ZNF568: variants seen among roughly 807,000 people sequenced by gnomAD.
The protein encoded by ZNF568 is zinc finger protein 568, also known as p53 inhibitor of SCO2 activation.
A neutral mutation model predicts 18.1 loss-of-function variants in ZNF568; 11 were observed. The ratio of observed to expected loss-of-function variants is 0.61; its 90% confidence interval spans 0.38 to 1.00. The LOEUF (loss-of-function observed/expected upper bound fraction) is 1.00. Ranked by LOEUF, ZNF568 falls within the 50% of genes least tolerant of loss-of-function variation. The pLI is 0.01. For missense variants in ZNF568, 639 were observed against 768.2 expected, an observed-to-expected ratio of 0.83 and a Z score of 1.99; for synonymous variants, 213 against 246.6, an observed-to-expected ratio of 0.86 and a Z score of 1.28.
chr19:36,945,210 A>AGTGTGTGTGT lies in ZNF568; in HGVS notation c.359-4269_359-4260dup, dbSNP rs10616521. Reference sequence around the variant, plus strand: ...GGATGGGAAGAGAGACAGAGAGAGAAGTGTGTGTGTGTGTGTGTGTGTGTG... The same window carrying AGTGTGTGTGT: ...GGATGGGAAGAGAGACAGAGAGAGAAGTGTGTGTGTGTGTGTGTGTGTGTGTGTGTGTGTG... On this transcript the variant is annotated intron_variant, in intron 6 of 6. Coordinates refer to ENST00000333987, the MANE Select transcript of ZNF568 (RefSeq NM_198539.4). Among the ~76,000 whole-genome samples the AGTGTGTGTGT allele has an allele frequency of 7.1e-3, 1,001 of 141,942 alleles. 10 individuals are homozygous for AGTGTGTGTGT. The highest frequency in any genetic ancestry group is 0.023 in the African/African-American group (880 of 37,930). The allele number at this position is 141,942 out of a possible 152,430, so 93.1% of individuals were successfully genotyped here. A position where few individuals can be genotyped will look rare whatever the true frequency, so the allele number is the denominator to read the frequency against.
At chr19:36,996,439 C>G (rs1208406544) in exon 5 of ZNF568, 2 of 1,536,260 alleles carry the variant, frequency 1.3e-6, no homozygotes, top group African/African-American at 2.7e-5. Context: ...GGAGAGACAA[C>G]AGGGTCATCA....
intron 6 of ZNF568, among the ~76,000 whole-genome samples, chr19:36,960,555 G>A (rs1373464115): frequency 2.6e-5 from 4 of 151,676 alleles, no homozygotes; most frequent in African/African-American, 9.7e-5. Context: ...CTGGCATGGT[G>A]GCTCACCATG....
At chr19:36,920,578 G>T (rs1451495004) in intron 2 of ZNF568, among the ~76,000 whole-genome samples, 3 of 150,320 alleles carry the variant, frequency 2.0e-5, no homozygotes, top group Non-Finnish European at 4.4e-5. Context: ...AGCCAAGATG[G>T]TGCCATTACT....
At chr19:36,954,615 G>A (rs1169330697), downstream of ZNF568, among the ~76,000 whole-genome samples, 1 of 151,142 alleles carries the variant, frequency 6.6e-6, no homozygotes, top group Non-Finnish European at 1.5e-5. Flanking sequence ...TGTCACCCAG[G>A]CTGCAGAGCA....
chr19:36,922,937 G>A (rs1014404385), intron 3 of ZNF568, 91 bp downstream of exon 3: 3 of 1,068,176 alleles, frequency 2.8e-6, no homozygotes, highest in Admixed American at 4.2e-5. Flanking sequence ...TACTGAGAAA[G>A]GTCACGTATG....
intron 4 of ZNF568, among the ~76,000 whole-genome samples, chr19:36,993,870 C>G (rs1332425143): frequency 1.3e-5 from 2 of 151,938 alleles, no homozygotes; most frequent in African/African-American, 4.8e-5. Flanking sequence ...CATTGATTTT[C>G]TCTGTTGTTT....
In ZNF568 at chr19:36,974,826, A is replaced by ATTT. The variant is rs3053253; in HGVS notation, c.405+376_405+378dup. On this transcript the variant is annotated intron_variant, in intron 7 of 7. Coordinates refer to the ZNF568 transcript ENST00000427117. ...TATGCAATAGCCTTTTTGCTTACCA[A>ATTT]TTTTTTTTTTTTTTTTTTGAGACAG... 3.0e-3 allele frequency among the ~76,000 whole-genome samples: 394 copies of ATTT among 132,286 alleles called. 11 individuals carry two copies. The highest frequency in any genetic ancestry group is 8.5e-3 in the African/African-American group (297 of 34,804). The allele number at this position is 132,286 out of a possible 152,430, so 86.8% of individuals were successfully genotyped here.
At chr19:36,967,987 T>G (rs139351614) in intron 6 of ZNF568, among the ~76,000 whole-genome samples, 95 of 152,312 alleles carry the variant, frequency 6.2e-4, no homozygotes, top group African/African-American at 2.2e-3. Flanking sequence ...TGTAGTTTCT[T>G]GTGGGCTAAA....
chr19:36,997,714 G>C, downstream of ZNF568: 2 of 814,570 alleles, frequency 2.5e-6, no homozygotes, highest in Non-Finnish European at 3.9e-6. Context: ...ACAGAGGAGT[G>C]AATGAAGAAA....
chr19:36,927,404 A>G (rs1394331747), intron 4 of ZNF568, among the ~76,000 whole-genome samples: 1 of 152,154 alleles, frequency 6.6e-6, no homozygotes, highest in African/African-American at 2.4e-5. Flanking sequence ...TAATTCTATT[A>G]GTAGAATTAT....
At chr19:36,976,646 C>G (rs563013547) in intron 7 of ZNF568, among the ~76,000 whole-genome samples, 30 of 152,254 alleles carry the variant, frequency 2.0e-4, no homozygotes, top group African/African-American at 5.8e-4. Context: ...TGCGGTGGCT[C>G]ATGCCTGTAA....
At chr19:36,955,554 T>C (rs2074101678), downstream of ZNF568, among the ~76,000 whole-genome samples, 2 of 152,170 alleles carry the variant, frequency 1.3e-5, no homozygotes, top group Admixed American at 1.3e-4. Context: ...AATAATAAGA[T>C]AGATATAAGT....
At chr19:36,978,004 G>A (rs1261796784) in intron 7 of ZNF568, among the ~76,000 whole-genome samples, 1 of 152,150 alleles carries the variant, frequency 6.6e-6, no homozygotes, top group Non-Finnish European at 1.5e-5. Flanking sequence ...TTCTTTTCCT[G>A]TTCTGTGAGC....
chr19:36,984,314 T>C (rs1025033733), downstream of ZNF568, among the ~76,000 whole-genome samples: 1 of 152,240 alleles, frequency 6.6e-6, no homozygotes, highest in Non-Finnish European at 1.5e-5. Flanking sequence ...TTTCATTATC[T>C]TCATTTCATT....
At position 36,949,790 on chromosome 19, in the gene ZNF568, C is replaced by T. The variant is rs1419513239; in HGVS notation, c.637C>T (p.His213Tyr). ...QSNEFGKPFY[H>Y]CASYVVTPFK... ...TAATGAGTTTGGGAAACCATTTTAC[C>T]ATTGTGCATCCTATGTTGTAACCCC... The change falls in exon 7 of 7, where the codon CAT becomes TAT. Residue 213 changes from histidine to tyrosine, a missense_variant. Physicochemically the swap from His to Tyr is moderately conservative, Grantham distance 83. Transcript: ENST00000333987. The T allele has an allele frequency of 2.5e-6, 4 of 1,613,736 alleles. No individual in the cohort carries two copies. In the Admixed American group the frequency reaches 6.7e-5, roughly 27 times the overall value.
At chr19:36,961,528 G>GTTA (rs1054411836) in intron 6 of ZNF568, among the ~76,000 whole-genome samples, 1 of 151,632 alleles carries the variant, frequency 6.6e-6, no homozygotes, top group Non-Finnish European at 1.5e-5. Context: ...TATATTCAAA[G>GTTA]TTATTATTAT....
At chr19:36,922,497 T>C in intron 2 of ZNF568, 89 bp from the exon 3 acceptor site, 1 of 334,962 alleles carries the variant, frequency 3.0e-6, no homozygotes, top group Non-Finnish European at 5.5e-6. Context: ...CAGAAGACGG[T>C]GGTCACTGGG....
chr19:36,940,969 C>T (rs1164126350), intron 6 of ZNF568, among the ~76,000 whole-genome samples: 1 of 152,086 alleles, frequency 6.6e-6, no homozygotes, highest in African/African-American at 2.4e-5. Context: ...ATGAGTTTTC[C>T]ATTGTAGAGT....
At chr19:36,974,855 C>T (rs1445364661) in intron 7 of ZNF568, among the ~76,000 whole-genome samples, 2 of 131,700 alleles carry the variant, frequency 1.5e-5, no homozygotes, top group Non-Finnish European at 3.1e-5. Flanking sequence ...GAGACAGAGT[C>T]TCGTTCTGTT....
Sources: allele counts gnomAD v4.1 joint callset (sites outside exome capture counted in the v4.1 genomes callset), GRCh38; gene constraint gnomAD v4.1.1; transcripts MANE v1.5; gene names NCBI Gene and HGNC (gene_info 2026-07-23, HGNC 2026-07-21).